Variants in FSTL5 observed in about 807,000 individuals in gnomAD.
The protein encoded by FSTL5 is follistatin like 5, also known as follistatin-related protein 5.
In FSTL5, 62 loss-of-function variants were observed where a neutral mutation model predicts 89.1. That is an observed-to-expected ratio of 0.70 (90% confidence interval 0.57 to 0.86). The LOEUF (loss-of-function observed/expected upper bound fraction) is 0.86, where lower values mean the gene tolerates loss of function less well. FSTL5 is among the 40% of genes least tolerant of loss of function. The pLI, the probability that FSTL5 is intolerant of heterozygous loss-of-function variation, is 0.00. For missense variants in FSTL5, 1,057 were observed against 1,001.6 expected (o/e 1.06, Z -0.75); for synonymous variants, 383 against 346.2 (o/e 1.11, Z -1.18).
At position 162,033,673 on chromosome 4, in the gene FSTL5, GAAA is replaced by G. The variant is rs775263379; in HGVS notation, c.127-18_127-16del. ...TTTTTTTCCTGCTGGAAATAAAACAGAAAATAGGTCAAAATATGTAAGTAAATA... is the reference window on the plus strand; with the variant it reads ...TTTTTTTCCTGCTGGAAATAAAACAGATAGGTCAAAATATGTAAGTAAATA... On this transcript the variant is annotated splice_polypyrimidine_tract_variant and intron_variant, in intron 2 of 15. Coordinates refer to ENST00000306100, the MANE Select transcript of FSTL5 (RefSeq NM_020116.5). 6.9e-7 allele frequency: 1 copy of G among 1,441,774 alleles called. No individual in the cohort carries two copies. Among genetic ancestry groups the G allele is most frequent in the South Asian group, 1.2e-5 (1 of 80,790 alleles). The allele number at this position is 1,441,774 out of a possible 1,614,324, so 89.3% of individuals were successfully genotyped here.
At chr4:161,928,716 C>T (rs1734197637) in intron 3 of FSTL5, among the ~76,000 whole-genome samples, 1 of 151,758 alleles carries the variant, frequency 6.6e-6, no homozygotes, top group Non-Finnish European at 1.5e-5. Context: ...ATTTGCAAAT[C>T]ATCTTCAGTG....
intron 3 of FSTL5, among the ~76,000 whole-genome samples, chr4:162,030,395 G>A (rs1737475562): frequency 6.6e-6 from 1 of 152,096 alleles, no homozygotes. Flanking sequence ...ACATTATATG[G>A]AAGTGGTCAT....
intron 15 of FSTL5, among the ~76,000 whole-genome samples, chr4:161,401,536 A>G (rs1205893841): frequency 6.6e-6 from 1 of 152,002 alleles, no homozygotes; most frequent in African/African-American, 2.4e-5. Flanking sequence ...TTATTGATTT[A>G]TTTATTTGAG....
intron 4 of FSTL5, among the ~76,000 whole-genome samples, chr4:161,871,755 C>T (rs2314271): frequency 0.86 from 130,244 of 152,124 alleles, 56,933 homozygotes; most frequent in East Asian, 0.98. Flanking sequence ...TGTATTGAAG[C>T]TATGAGTAAG....
At chr4:161,545,078 T>C (rs1731961157) in intron 8 of FSTL5, among the ~76,000 whole-genome samples, 1 of 152,048 alleles carries the variant, frequency 6.6e-6, no homozygotes, top group Non-Finnish European at 1.5e-5. Context: ...GAAAAAATGA[T>C]AATGACTGAT....
chr4:161,417,069 T>C (rs1040818870), intron 15 of FSTL5, among the ~76,000 whole-genome samples: 2 of 152,168 alleles, frequency 1.3e-5, no homozygotes, highest in Non-Finnish European at 2.9e-5. Flanking sequence ...AATTTGTCTA[T>C]GGTAAAACTG....
chr4:161,494,468 T>C (rs1006357621), intron 12 of FSTL5, among the ~76,000 whole-genome samples: 1 of 152,164 alleles, frequency 6.6e-6, no homozygotes, highest in Non-Finnish European at 1.5e-5. Flanking sequence ...GGCTGCTTTG[T>C]TTGAGATAAA....
intron 2 of FSTL5, among the ~76,000 whole-genome samples, chr4:162,034,443 T>C (rs1001888946): frequency 6.6e-6 from 1 of 152,162 alleles, no homozygotes; most frequent in Non-Finnish European, 1.5e-5. Context: ...CCCATCTCAA[T>C]TCTTTAAGGC....
intron 3 of FSTL5, among the ~76,000 whole-genome samples, chr4:161,997,693 C>T (rs1029265202): frequency 6.6e-6 from 1 of 151,454 alleles, no homozygotes; most frequent in Non-Finnish European, 1.5e-5. Context: ...CAAGCTCCGC[C>T]TCCCGGGTGC....
intron 7 of FSTL5, among the ~76,000 whole-genome samples, chr4:161,597,583 C>T (rs1485753963): frequency 6.6e-6 from 1 of 151,052 alleles, no homozygotes; most frequent in Non-Finnish European, 1.5e-5. Context: ...ACATATGTGA[C>T]AAACCTGCAC....
At chr4:161,621,406 C>T (rs984782047) in intron 7 of FSTL5, among the ~76,000 whole-genome samples, 2 of 151,808 alleles carry the variant, frequency 1.3e-5, no homozygotes, top group African/African-American at 4.8e-5. Context: ...AATATTTAAG[C>T]AGCAGCTAAT....
chr4:161,577,432 A>G (rs1321353542), intron 8 of FSTL5, among the ~76,000 whole-genome samples: 1 of 147,726 alleles, frequency 6.8e-6, no homozygotes, highest in Non-Finnish European at 1.5e-5. Context: ...GAAAACCAGC[A>G]GCAAAGGATG....
intron 6 of FSTL5, among the ~76,000 whole-genome samples, chr4:161,657,512 G>T (rs184820004): frequency 2.0e-5 from 3 of 152,260 alleles, no homozygotes; most frequent in East Asian, 1.9e-4. Flanking sequence ...TGTCACTGGG[G>T]TTGAGTGAGG....
At chr4:161,619,138 T>C (rs374538177) in intron 7 of FSTL5, among the ~76,000 whole-genome samples, 2 of 152,106 alleles carry the variant, frequency 1.3e-5, no homozygotes, top group African/African-American at 2.4e-5. Flanking sequence ...GCTAGCCATA[T>C]GTAGAAAGCT....
intron 7 of FSTL5, among the ~76,000 whole-genome samples, chr4:161,613,754 T>G (rs1318331527): frequency 6.6e-6 from 1 of 152,214 alleles, no homozygotes. Flanking sequence ...TTACACATTG[T>G]GTAAAATTTC....
intron 2 of FSTL5, among the ~76,000 whole-genome samples, chr4:162,039,582 A>G (rs1257452471): frequency 1.3e-5 from 2 of 151,956 alleles, no homozygotes; most frequent in Non-Finnish European, 2.9e-5. Context: ...TATAAAGTCC[A>G]GGAGAAAAAA....
intron 3 of FSTL5, among the ~76,000 whole-genome samples, chr4:161,976,132 A>AG (rs1479183765): frequency 1.3e-5 from 2 of 151,576 alleles, no homozygotes; most frequent in East Asian, 3.9e-4. Context: ...AAAAAAAAAA[A>AG]AAAAAAAGAT....
At chr4:161,440,189 C>T (rs1732711872) in intron 15 of FSTL5, among the ~76,000 whole-genome samples, 1 of 152,038 alleles carries the variant, frequency 6.6e-6, no homozygotes, top group Non-Finnish European at 1.5e-5. Context: ...GTGAACAAAT[C>T]ATCATTAAAC....
intron 1 of FSTL5, among the ~76,000 whole-genome samples, chr4:162,143,739 CACACA>C (rs1335538255): frequency 1.4e-3 from 191 of 135,076 alleles, no homozygotes; most frequent in Middle Eastern, 3.6e-3. Context: ...CACACACACA[CACACA>C]CACACCCAGG....
Sources: allele counts gnomAD v4.1 joint callset (sites outside exome capture counted in the v4.1 genomes callset), GRCh38; gene constraint gnomAD v4.1.1; transcripts MANE v1.5; gene names NCBI Gene and HGNC (gene_info 2026-07-23, HGNC 2026-07-21).